KPRP: variants seen among roughly 807,000 people sequenced by gnomAD.
KPRP encodes the protein keratinocyte proline-rich protein.
For missense variants in KPRP, 820 were observed against 746.4 expected (o/e 1.10, Z -1.15); for synonymous variants, 282 against 276.9 (o/e 1.02, Z -0.18).
chr1:152,761,239 T>A, exon 1 of KPRP: 8 of 1,614,044 alleles, frequency 5.0e-6, no homozygotes, highest in Non-Finnish European at 6.8e-6. Context: ...TGGTGATGTG[T>A]TTCCAGAGCG....
upstream of KPRP, among the ~76,000 whole-genome samples, chr1:152,759,195 C>G (rs1285400117): frequency 2.0e-5 from 3 of 152,168 alleles, no homozygotes; most frequent in African/African-American, 7.2e-5. Context: ...AATGGAGTTT[C>G]CACTTTGGGC....
exon 1 of KPRP, chr1:152,761,045 C>G (rs780395476): frequency 1.2e-6 from 2 of 1,613,708 alleles, no homozygotes; most frequent in Non-Finnish European, 1.7e-6. Context: ...GCGCCCTGCC[C>G]AAGCCCGGAG....
exon 1 of KPRP, chr1:152,760,353 C>T (rs1442712887): frequency 1.2e-6 from 2 of 1,614,190 alleles, no homozygotes; most frequent in Non-Finnish European, 1.7e-6. Context: ...CCAGCAGATG[C>T]CTTCCTCCTC....
exon 1 of KPRP, chr1:152,760,803 T>C (rs1041408897): frequency 1.9e-6 from 3 of 1,613,988 alleles, no homozygotes; most frequent in Non-Finnish European, 2.5e-6. Context: ...CTGCTCCACG[T>C]CCACGTCTGC....
At chr1:152,761,080 C>A (rs1398216419) in exon 1 of KPRP, 2 of 1,613,942 alleles carry the variant, frequency 1.2e-6, no homozygotes, top group South Asian at 1.1e-5. Flanking sequence ...TTGGCGCAGC[C>A]CCAGCCCATG....
At chr1:152,760,943 C>T in exon 1 of KPRP, 1 of 1,612,952 alleles carries the variant, frequency 6.2e-7, no homozygotes, top group East Asian at 2.2e-5. Flanking sequence ...CTTCCTCGCC[C>T]AGGGCAGTGT....
upstream of KPRP, chr1:152,759,517 C>T (rs907207744): frequency 2.5e-5 from 39 of 1,539,602 alleles, no homozygotes; most frequent in Non-Finnish European, 3.3e-5. Context: ...CTGGCACCCC[C>T]TCTCCAACTC....
upstream of KPRP, among the ~76,000 whole-genome samples, chr1:152,759,180 G>T (rs904341875): frequency 6.6e-6 from 1 of 152,202 alleles, no homozygotes; most frequent in Non-Finnish European, 1.5e-5. Context: ...CCAAGCTCCT[G>T]TGGGAATGGA....
chr1:152,758,178 G>A (rs949924365), upstream of KPRP, among the ~76,000 whole-genome samples: 3 of 152,192 alleles, frequency 2.0e-5, no homozygotes, highest in African/African-American at 7.2e-5. Flanking sequence ...GGCGAGGGGT[G>A]CATTAACCTG....
chr1:152,759,578 G>C (rs1651039359), exon 1 of KPRP: 4 of 1,610,144 alleles, frequency 2.5e-6, no homozygotes, highest in Non-Finnish European at 3.4e-6. Context: ...TTGACTGGCT[G>C]CATCAGGACC....
exon 1 of KPRP, chr1:152,759,785 A>G: frequency 6.2e-7 from 1 of 1,614,154 alleles, no homozygotes; most frequent in South Asian, 1.1e-5. Context: ...GCTCCATGCC[A>G]GTCTCAGACC....
In KPRP at chr1:152,761,186, C is replaced by G. The variant is rs764687917; in HGVS notation, c.1598C>G (p.Ser533Cys). Residue 533 changes from serine (S) to cysteine (C), a missense_variant, in exon 1 of 1, where the codon TCC (serine) becomes TGC (cysteine). Ser to Cys is a moderately radical substitution (Grantham distance 112). Transcript: ENST00000606109. ...ACCGAAGCTCCCTACTGTGGCCCAT[C>G]CAGTTACAACCAGGGGCAAGAGAGT... 5 of 1,614,194 alleles carry G rather than the reference C, an allele frequency of 3.1e-6. No homozygotes were observed. The highest frequency in any genetic ancestry group is 3.3e-5 in the Admixed American group (2 of 60,026).
exon 1 of KPRP, chr1:152,761,118 A>G: frequency 1.2e-6 from 2 of 1,614,084 alleles, no homozygotes; most frequent in Non-Finnish European, 1.7e-6. Context: ...TTCCATACCC[A>G]GGAGACCTAG....
chr1:152,759,925 T>C lies in KPRP; in HGVS notation c.337T>C (p.Cys113Arg), dbSNP rs16834457. The C allele has an allele frequency of 3.1e-3, 5,035 of 1,614,200 alleles. 132 individuals are homozygous for C. In the African/African-American group the frequency reaches 0.058, roughly 19 times the overall value. ...TTCCTCTGTTCAAAGCCAGGCTCCATGCCAATCTGAGGTGTCCTACGTGCA... is the reference window on the plus strand; with the variant it reads ...TTCCTCTGTTCAAAGCCAGGCTCCACGCCAATCTGAGGTGTCCTACGTGCA... The change falls in exon 1 of 1, where the codon TGC becomes CGC. Residue 113 changes from cysteine to arginine, a missense_variant. Cys to Arg is a radical substitution (Grantham distance 180, BLOSUM62 -3). Transcript: ENST00000606109.
chr1:152,759,784 C>T lies in KPRP; in HGVS notation c.196C>T (p.Gln66Ter). 3.7e-6 allele frequency: 6 copies of T among 1,614,164 alleles called. No individual in the cohort carries two copies. The highest frequency in any genetic ancestry group is 5.1e-6 in the Non-Finnish European group (6 of 1,180,028). The change falls in exon 1 of 1, where the codon CAG becomes TAG. Residue 66 changes from glutamine (Q) to a stop codon, truncating the protein, a stop_gained. Coordinates refer to ENST00000606109, the Ensembl canonical transcript of KPRP. LOFTEE classifies it low-confidence loss of function (END_TRUNC). ...CCAGGTGTCAGACCAGGCTCCATGC[C>T]AGTCTCAGACCACACAGGTGAAGTG...
rs538446338 is a variant in KPRP, at chr1:152,760,007, A to G, written c.419A>G (p.Tyr140Cys). 3.0e-5 allele frequency: 48 copies of G among 1,614,178 alleles called. No individual in the cohort carries two copies. The highest frequency in any genetic ancestry group is 3.3e-4 in the Middle Eastern group (2 of 6,062). The change falls in exon 1 of 1, where the codon TAT (tyrosine) becomes TGT (cysteine). Residue 140 changes from tyrosine to cysteine, a missense_variant. Physicochemically the swap from Tyr to Cys is radical, Grantham distance 194. Coordinates refer to ENST00000606109, the Ensembl canonical transcript of KPRP. ...TTCGTAGAATGTGCTCCAGTTTGTT[A>G]TACAGAAACTTGTTATGTAGAATGC...
rs143425100 is a variant in KPRP, at chr1:152,760,400, C to T, written c.812C>T (p.Pro271Leu). ...CAGCTTTTCCCCCGCAGCTGTTCCCCACCAAGACGTTTTGAGCCCTGCTCC... is the reference window on the plus strand; with the variant it reads ...CAGCTTTTCCCCCGCAGCTGTTCCCTACCAAGACGTTTTGAGCCCTGCTCC... The change falls in exon 1 of 1, where the codon CCA becomes CTA. Residue 271 changes from proline (P) to leucine (L), a missense_variant. By Grantham distance (98) the Pro-to-Leu change is moderately conservative. Coordinates refer to ENST00000606109, the Ensembl canonical transcript of KPRP. 2.2e-4 allele frequency: 359 copies of T among 1,614,134 alleles called. 3 individuals are homozygous for T. In the East Asian group the frequency reaches 2.9e-3, roughly 13 times the overall value.
chr1:152,760,847 C>T (rs779553667), exon 1 of KPRP: 13 of 1,614,026 alleles, frequency 8.1e-6, no homozygotes, highest in Middle Eastern at 1.6e-4. Flanking sequence ...GAACCACGCC[C>T]GCGTCCTCTA....
At chr1:152,760,512 C>G (rs770998418) in exon 1 of KPRP, 3 of 1,612,884 alleles carry the variant, frequency 1.9e-6, no homozygotes, top group Non-Finnish European at 1.7e-6. Flanking sequence ...ATAACAGTCG[C>G]TGTCCTCGCC....
Sources: allele counts gnomAD v4.1 joint callset (sites outside exome capture counted in the v4.1 genomes callset), GRCh38; gene constraint gnomAD v4.1.1; transcripts MANE v1.5; gene names NCBI Gene and HGNC (gene_info 2026-07-23, HGNC 2026-07-21).